Variants in CAT observed in about 807,000 individuals in gnomAD.
CAT encodes catalase.
CAT carries 43 observed loss-of-function variants against 59.0 expected under a neutral mutation model. That is an observed-to-expected ratio of 0.73 (90% confidence interval 0.57 to 0.94). CAT has a LOEUF of 0.94. CAT is among the 40% of genes least tolerant of loss of function. The probability of loss-of-function intolerance (pLI) is 0.00; values close to 1 mark genes in which losing one functional copy is unlikely to be tolerated. For synonymous variants in CAT, 218 were observed against 230.9 expected (o/e 0.94, Z 0.51); for missense variants, 664 against 682.9 (o/e 0.97, Z 0.31).
chr11:34,452,552 C>T lies in CAT; in HGVS notation c.480+345C>T, dbSNP rs566627050. On this transcript the variant is annotated intron_variant, in intron 4 of 12. Transcript: ENST00000241052. ...GCAGGAGGGGGTGTGTGTGCGTGCG[C>T]GCATGCGGGAGGGTGGGTATATTTT... is the stretch of plus-strand genomic sequence containing the variant. 6.6e-5 allele frequency among the ~76,000 whole-genome samples: 10 copies of T among 151,964 alleles called. No homozygotes were observed. The South Asian group carries it at 1.0e-3, about 16-fold the overall frequency.
chr11:34,447,970 A>G (rs886749633), intron 1 of CAT, among the ~76,000 whole-genome samples: 7 of 152,182 alleles, frequency 4.6e-5, no homozygotes, highest in African/African-American at 1.7e-4. Flanking sequence ...TCCTACTTGG[A>G]TGAAGATATA....
At chr11:34,457,440 C>T (rs1418204872) in intron 8 of CAT, among the ~76,000 whole-genome samples, 2 of 152,102 alleles carry the variant, frequency 1.3e-5, no homozygotes, top group African/African-American at 4.8e-5. Context: ...CTCCTGACCT[C>T]AAGTGATCTG....
intron 3 of CAT, among the ~76,000 whole-genome samples, chr11:34,451,558 GTAT>G (rs1429683682): frequency 1.3e-5 from 2 of 152,140 alleles, no homozygotes; most frequent in Non-Finnish European, 2.9e-5. Flanking sequence ...TACAGAGATA[GTAT>G]TAGATCTATC....
chr11:34,446,509 C>T (rs527966094), intron 1 of CAT, among the ~76,000 whole-genome samples: 1 of 152,232 alleles, frequency 6.6e-6, no homozygotes, highest in African/African-American at 2.4e-5. Context: ...GTACTTTATT[C>T]ATTTATCCAA....
intron 6 of CAT, among the ~76,000 whole-genome samples, chr11:34,455,259 C>T (rs1362573293): frequency 6.6e-6 from 1 of 152,042 alleles, no homozygotes; most frequent in Non-Finnish European, 1.5e-5. Context: ...AGAAATAGAC[C>T]AGCGTTCAGA....
At chr11:34,447,637 T>C (rs545935484) in intron 1 of CAT, among the ~76,000 whole-genome samples, 1 of 152,224 alleles carries the variant, frequency 6.6e-6, no homozygotes, top group South Asian at 2.1e-4. Context: ...AGAGTGTGGA[T>C]GGAGGAGTAT....
chr11:34,469,212 G>A (rs1856750201), intron 11 of CAT, among the ~76,000 whole-genome samples: 1 of 152,100 alleles, frequency 6.6e-6, no homozygotes, highest in Admixed American at 6.6e-5. Context: ...AGTTCCTAGG[G>A]GCAGCTGGGC....
At chr11:34,455,147 A>C (rs527900768) in intron 6 of CAT, among the ~76,000 whole-genome samples, 1 of 152,198 alleles carries the variant, frequency 6.6e-6, no homozygotes, top group African/African-American at 2.4e-5. Context: ...CGATCTGTAC[A>C]TGGTGACCTT....
rs762608181 is a variant in CAT, at chr11:34,456,104, A to G, written c.805A>G (p.Ile269Val). The G allele has an allele frequency of 5.8e-5, 94 of 1,613,984 alleles. 1 individual carries two copies. In the East Asian group the frequency reaches 2.0e-3, roughly 35 times the overall value. ...DYGIRDLFNAIATGKYPSWTF... is the reference protein window; with the variant it reads ...DYGIRDLFNAVATGKYPSWTF... ...TGGCATCCGGGATCTTTTTAACGCC[A>G]TTGCCACAGGAAAGTACCCCTCCTG... The change falls in exon 7 of 13, where the codon ATT becomes GTT. Residue 269 changes from isoleucine to valine, a missense_variant. Ile to Val is a conservative substitution (Grantham distance 29). Transcript: ENST00000241052.
intron 1 of CAT, among the ~76,000 whole-genome samples, chr11:34,443,545 T>C (rs968436045): frequency 6.6e-6 from 1 of 151,614 alleles, no homozygotes; most frequent in African/African-American, 2.4e-5. Context: ...GCTCTTCTTT[T>C]GAGATACTTA....
chr11:34,449,578 A>G (rs1856498334), intron 2 of CAT, among the ~76,000 whole-genome samples: 2 of 152,258 alleles, frequency 1.3e-5, no homozygotes, highest in African/African-American at 4.8e-5. Flanking sequence ...TAAAAATAGC[A>G]GTCTTCCATT....
chr11:34,458,966 G>C (rs1353292321), intron 8 of CAT, among the ~76,000 whole-genome samples: 1 of 152,018 alleles, frequency 6.6e-6, no homozygotes, highest in Non-Finnish European at 1.5e-5. Context: ...TTTTAGTTCT[G>C]GCAAATATAT....
intron 10 of CAT, among the ~76,000 whole-genome samples, chr11:34,467,204 A>C (rs1169446037): frequency 6.6e-6 from 1 of 152,254 alleles, no homozygotes; most frequent in African/African-American, 2.4e-5. Context: ...AAAATAACCA[A>C]ATAATATTTT....
At chr11:34,449,124 C>T (rs1856491180) in intron 1 of CAT, 68 bp from the exon 2 acceptor site, 1 of 1,325,110 alleles carries the variant, frequency 7.5e-7, no homozygotes, top group Admixed American at 1.7e-5. Context: ...AGCTATGTAC[C>T]CGTGACAGTG....
Position 34,468,877 on chromosome 11 carries a change from T to G in CAT, c.1434+482T>G, listed in dbSNP as rs75411383. Reference sequence around the variant, plus strand: ...GCCTGGACAACATAGGGAGACCCTGTCTCTAAAATCAGTCAATCAGTCAAT... The same window carrying G: ...GCCTGGACAACATAGGGAGACCCTGGCTCTAAAATCAGTCAATCAGTCAAT... On this transcript the variant is annotated intron_variant, in intron 11 of 12. Coordinates refer to ENST00000241052, the MANE Select transcript of CAT (RefSeq NM_001752.4). 2.0e-3 allele frequency among the ~76,000 whole-genome samples: 304 copies of G among 152,290 alleles called. 1 individual carries two copies. Among genetic ancestry groups the G allele is most frequent in the African/African-American group, 7.0e-3 (292 of 41,548 alleles).
At chr11:34,457,500 C>G (rs1255439712) in intron 8 of CAT, among the ~76,000 whole-genome samples, 1 of 152,182 alleles carries the variant, frequency 6.6e-6, no homozygotes, top group East Asian at 1.9e-4. Flanking sequence ...GCCACCGTGG[C>G]TGGCCTCATT....
In CAT at chr11:34,453,167, G is replaced by T. The variant is rs1284462076; in HGVS notation, c.558G>T (p.Trp186Cys). ...LKDPDMVWDF[W>C]SLRPESLHQV... Reference sequence around the variant, plus strand: ...ATCCGGACATGGTCTGGGACTTCTGGAGCCTACGTCCTGAGTCTCTGCATC... The same window carrying T: ...ATCCGGACATGGTCTGGGACTTCTGTAGCCTACGTCCTGAGTCTCTGCATC... The change falls in exon 5 of 13, where the codon TGG (tryptophan) becomes TGT (cysteine). Residue 186 changes from tryptophan to cysteine, a missense_variant. Coordinates refer to ENST00000241052, the MANE Select transcript of CAT (RefSeq NM_001752.4). 1 of 1,612,464 alleles carries T rather than the reference G, an allele frequency of 6.2e-7. No individual in the cohort carries two copies. Among genetic ancestry groups the T allele is most frequent in the East Asian group, 2.2e-5 (1 of 44,862 alleles).
Position 34,464,205 on chromosome 11 carries a change from C to T in CAT, c.1296C>T (p.Phe432=). Residue 432 remains phenylalanine, a synonymous_variant, in exon 10 of 13, where the codon TTC becomes TTT. Transcript: ENST00000241052. The part of the protein sequence containing the change: ...SIQYSGEVRR[F]NTANDDNVTQ... ...AATATTCTGGAGAAGTGCGGAGATTCAACACTGCCAATGATGATAACGTTA... is the reference window on the plus strand; with the variant it reads ...AATATTCTGGAGAAGTGCGGAGATTTAACACTGCCAATGATGATAACGTTA... 6.2e-7 allele frequency: 1 copy of T among 1,614,072 alleles called. No homozygotes were observed. The highest frequency in any genetic ancestry group is 1.6e-4 in the Middle Eastern group (1 of 6,062).
intron 9 of CAT, 38 bp from the exon 10 acceptor site, chr11:34,464,067 C>G (rs767118405): frequency 6.2e-7 from 1 of 1,613,088 alleles, no homozygotes; most frequent in South Asian, 1.1e-5. Context: ...CTTGACTTTT[C>G]TTATTCCTAA....
Sources: gnomAD v4.1 joint callset for allele counts (sites outside exome capture counted in the v4.1 genomes callset) on GRCh38, gnomAD v4.1.1 for gene constraint, MANE v1.5 for transcripts, NCBI Gene and HGNC (gene_info 2026-07-23, HGNC 2026-07-21) for gene names.